THEMIS: variants seen among roughly 807,000 people sequenced by gnomAD.
THEMIS encodes protein THEMIS.
Under a neutral mutation model 52.6 loss-of-function variants are expected in THEMIS, and 37 were observed. That is an observed-to-expected ratio of 0.70 (90% CI 0.54 to 0.93). THEMIS has a LOEUF of 0.93. Ranked by LOEUF, THEMIS falls within the 40% of genes least tolerant of loss-of-function variation. THEMIS has a pLI of 0.00. For missense variants in THEMIS, 808 were observed against 763.1 expected (o/e 1.06, Z -0.69); for synonymous variants, 292 against 272.7 (o/e 1.07, Z -0.70).
chr6:127,755,239 C>T (rs1189067454), intron 4 of THEMIS, among the ~76,000 whole-genome samples: 2 of 152,228 alleles, frequency 1.3e-5, no homozygotes, highest in South Asian at 4.1e-4. Context: ...ACAGCCCATG[C>T]TAGGCATTGA....
At chr6:127,707,687 G>T (rs538946046), downstream of THEMIS, among the ~76,000 whole-genome samples, 74 of 152,148 alleles carry the variant, frequency 4.9e-4, 1 homozygote, top group African/African-American at 1.4e-3. Context: ...TCCTAATTCT[G>T]ACTCTCCCCA....
At chr6:127,906,956 A>AAC (rs1033399375) in intron 1 of THEMIS, among the ~76,000 whole-genome samples, 2 of 151,982 alleles carry the variant, frequency 1.3e-5, no homozygotes, top group Admixed American at 6.6e-5. Context: ...TAAAAAACAA[A>AAC]AAAAAAAATT....
chr6:127,893,840 G>T (rs976832249), intron 1 of THEMIS, among the ~76,000 whole-genome samples: 5 of 151,862 alleles, frequency 3.3e-5, no homozygotes, highest in African/African-American at 1.2e-4. Flanking sequence ...AGAGGACAAA[G>T]AATATGTTTC....
chr6:127,849,329 C>A (rs945534719), intron 2 of THEMIS, among the ~76,000 whole-genome samples: 2 of 151,944 alleles, frequency 1.3e-5, no homozygotes, highest in African/African-American at 2.4e-5. Flanking sequence ...GTTACTGTAG[C>A]CTTGTAGTAT....
chr6:127,810,616 C>T (rs1289317600), intron 4 of THEMIS, among the ~76,000 whole-genome samples: 1 of 152,110 alleles, frequency 6.6e-6, no homozygotes, highest in Non-Finnish European at 1.5e-5. Context: ...GACTTTCCAG[C>T]CTCCAGAGCT....
chr6:127,740,772 A>T (rs1403307782), intron 4 of THEMIS, among the ~76,000 whole-genome samples: 1 of 152,176 alleles, frequency 6.6e-6, no homozygotes, highest in Non-Finnish European at 1.5e-5. Flanking sequence ...AGTCACTAGA[A>T]CTCCGCTATA....
rs374913023 is a variant in THEMIS at position 127,791,659 on chromosome 6, G to A, written c.1758+21224C>T. On this transcript the variant is annotated intron_variant, in intron 4 of 5. Coordinates refer to ENST00000368248, the MANE Select transcript of THEMIS (RefSeq NM_001010923.3). The stretch of plus-strand genomic sequence containing the variant: ...GTTTGCATCCTACCACCATTAACCT[G>A]CTCTCCATGGTGCCTATGGTGCCCT... Among the ~76,000 whole-genome samples the A allele has an allele frequency of 5.8e-4, 88 of 152,250 alleles. 2 individuals are homozygous for A. In the East Asian group the frequency reaches 0.012, roughly 22 times the overall value.
chr6:127,803,310 A>G (rs1261963681), intron 4 of THEMIS, among the ~76,000 whole-genome samples: 2 of 152,170 alleles, frequency 1.3e-5, no homozygotes, highest in Non-Finnish European at 2.9e-5. Context: ...GAACCTTTTC[A>G]TCACCCGAAA....
Position 127,829,808 on chromosome 6 carries a change from TC to T in THEMIS, c.376del (p.Glu126ArgfsTer5). ...CTCACCCTGCTTTATGATGAGGTTCTCTAGTTTTATATCCTTCTGATGATAG... is the reference window on the plus strand; with the variant it reads ...CTCACCCTGCTTTATGATGAGGTTCTTAGTTTTATATCCTTCTGATGATAG... ...CFYHQKDIKL[E>X]NLIIKQGEQI... On this transcript the variant is annotated frameshift_variant, in exon 3 of 6. Transcript: ENST00000368248. LOFTEE classifies it high-confidence loss of function. 1 of 1,614,176 alleles carries T rather than the reference TC, an allele frequency of 6.2e-7. No individual in the cohort carries two copies. Among genetic ancestry groups the T allele is most frequent in the Non-Finnish European group, 8.5e-7 (1 of 1,180,026 alleles).
intron 2 of THEMIS, among the ~76,000 whole-genome samples, chr6:127,849,961 T>A (rs1282919927): frequency 6.6e-6 from 1 of 151,902 alleles, no homozygotes; most frequent in Non-Finnish European, 1.5e-5. Flanking sequence ...ACCCACAAAG[T>A]GGGAGAAAAT....
At chr6:127,880,956 C>T (rs1172565734) in intron 1 of THEMIS, among the ~76,000 whole-genome samples, 3 of 151,984 alleles carry the variant, frequency 2.0e-5, no homozygotes, top group East Asian at 1.9e-4. Context: ...TTTTAAAAGA[C>T]GCGATGATTC....
the THEMIS span, among the ~76,000 whole-genome samples, chr6:127,700,147 A>G: frequency 6.6e-6 from 1 of 151,902 alleles, no homozygotes; most frequent in South Asian, 2.1e-4. Context: ...AATGAGAATT[A>G]TTTAGACAAA....
chr6:127,902,462 G>A (rs1452171974), upstream of THEMIS, among the ~76,000 whole-genome samples: 2 of 151,670 alleles, frequency 1.3e-5, no homozygotes, highest in Non-Finnish European at 2.9e-5. Flanking sequence ...GCTGCAGAGA[G>A]CATAGCCACA....
chr6:127,875,223 T>C (rs1469072363), intron 1 of THEMIS, among the ~76,000 whole-genome samples: 2 of 152,258 alleles, frequency 1.3e-5, no homozygotes, highest in Non-Finnish European at 1.5e-5. Flanking sequence ...TATTATTTCT[T>C]ACAACTGCAT....
chr6:127,745,075 T>C (rs1004220010), intron 4 of THEMIS, among the ~76,000 whole-genome samples: 8 of 151,960 alleles, frequency 5.3e-5, no homozygotes, highest in African/African-American at 1.9e-4. Context: ...TATGTCAACA[T>C]GGCTCCTGAG....
At chr6:127,703,283 G>A (rs1376810778), downstream of THEMIS, among the ~76,000 whole-genome samples, 2 of 151,960 alleles carry the variant, frequency 1.3e-5, no homozygotes, top group Non-Finnish European at 2.9e-5. Flanking sequence ...TCCTGACCTC[G>A]TGATCCGCCC....
At chr6:127,886,108 C>A (rs1013149421) in intron 1 of THEMIS, among the ~76,000 whole-genome samples, 2 of 152,080 alleles carry the variant, frequency 1.3e-5, no homozygotes, top group African/African-American at 4.8e-5. Context: ...ACCTTCCTAC[C>A]ATAACATTTT....
intron 4 of THEMIS, among the ~76,000 whole-genome samples, chr6:127,774,841 G>A (rs1776506256): frequency 6.6e-6 from 1 of 152,168 alleles, no homozygotes; most frequent in African/African-American, 2.4e-5. Context: ...GGCTTCTAAA[G>A]CAAATAGATT....
chr6:127,768,925 C>A (rs1776286112), intron 4 of THEMIS, among the ~76,000 whole-genome samples: 1 of 152,142 alleles, frequency 6.6e-6, no homozygotes, highest in Non-Finnish European at 1.5e-5. Flanking sequence ...TCCTGAAGAT[C>A]AACACTGATG....
Sources: gnomAD v4.1 joint callset for allele counts (sites outside exome capture counted in the v4.1 genomes callset) on GRCh38, gnomAD v4.1.1 for gene constraint, MANE v1.5 for transcripts, NCBI Gene and HGNC (gene_info 2026-07-23, HGNC 2026-07-21) for gene names.